The following RSRC1 variants were observed in gnomAD, a reference collection of about 807,000 sequenced individuals.
RSRC1 encodes the protein arginine and serine rich coiled-coil 1.
A neutral mutation model predicts 49.1 loss-of-function variants in RSRC1; 39 were observed. That is an observed-to-expected ratio of 0.79 (90% confidence interval 0.61 to 1.04). The LOEUF is 1.04. Among genes scored for constraint, RSRC1 ranks in the 50% least tolerant of loss-of-function variants. The probability of loss-of-function intolerance (pLI) is 0.00; values close to 1 mark genes in which losing one functional copy is unlikely to be tolerated. For missense variants in RSRC1, 388 were observed against 402.4 expected, an observed-to-expected ratio of 0.96 and a Z score of 0.31; for synonymous variants, 143 against 130.8, an observed-to-expected ratio of 1.09 and a Z score of -0.63.
At chr3:158,136,942 G>A (rs1479951573) in intron 3 of RSRC1, 1 of 152,100 alleles carries the variant, frequency 6.6e-6, no homozygotes, top group East Asian at 1.9e-4. Flanking sequence ...AATCTGCTCT[G>A]TTCTTGTAAG....
chr3:158,406,341 C>T (rs1355334296), intron 6 of RSRC1, among the ~76,000 whole-genome samples: 1 of 151,988 alleles, frequency 6.6e-6, no homozygotes, highest in African/African-American at 2.4e-5. Flanking sequence ...CAGTTAGCCA[C>T]ATTTAGTAGA....
intron 1 of RSRC1, among the ~76,000 whole-genome samples, chr3:158,118,651 C>CT (rs1211133333): frequency 6.6e-6 from 1 of 151,808 alleles, no homozygotes; most frequent in African/African-American, 2.4e-5. Context: ...TGCTTTTTTT[C>CT]TTTCTGTTTT....
chr3:158,302,538 G>T (rs571569811), intron 5 of RSRC1: 6 of 141,366 alleles, frequency 4.2e-5, no homozygotes, highest in African/African-American at 1.6e-4. Flanking sequence ...GAGGTGGGTG[G>T]TTATTAGATG....
chr3:158,506,552 G>A (rs1463754459), intron 7 of RSRC1, among the ~76,000 whole-genome samples: 2 of 151,804 alleles, frequency 1.3e-5, no homozygotes, highest in African/African-American at 2.4e-5. Context: ...ACATATAAAC[G>A]GCCAACAGTA....
chr3:158,403,985 A>G (rs1734023147), intron 6 of RSRC1, among the ~76,000 whole-genome samples: 2 of 151,920 alleles, frequency 1.3e-5, no homozygotes, highest in African/African-American at 2.4e-5. Context: ...TAAATAATTT[A>G]TATTTCTTTA....
intron 9 of RSRC1, among the ~76,000 whole-genome samples, chr3:158,543,882 G>C (rs535427425): frequency 6.6e-6 from 1 of 151,928 alleles, no homozygotes; most frequent in East Asian, 1.9e-4. Context: ...ATACTTTGCT[G>C]TCTTCCATGA....
intron 6 of RSRC1, among the ~76,000 whole-genome samples, chr3:158,400,396 T>G (rs1733837905): frequency 6.6e-6 from 1 of 152,002 alleles, no homozygotes; most frequent in African/African-American, 2.4e-5. Flanking sequence ...TTTATTATTC[T>G]GGAGTGTTCA....
intron 1 of RSRC1, among the ~76,000 whole-genome samples, chr3:158,116,464 C>G (rs1268701500): frequency 6.6e-6 from 1 of 151,898 alleles, no homozygotes; most frequent in African/African-American, 2.4e-5. Context: ...TGTGTATGTA[C>G]TCGAGTGGAA....
intron 4 of RSRC1, among the ~76,000 whole-genome samples, chr3:158,251,924 C>G (rs956476763): frequency 1.3e-5 from 2 of 152,106 alleles, no homozygotes; most frequent in Non-Finnish European, 2.9e-5. Context: ...TCAGTTTGTC[C>G]CCATTCAGTA....
chr3:158,235,515 A>C (rs1280551017), intron 4 of RSRC1, among the ~76,000 whole-genome samples: 1 of 152,196 alleles, frequency 6.6e-6, no homozygotes, highest in African/African-American at 2.4e-5. Context: ...TTTATTTCAG[A>C]TATGTTAGGA....
chr3:158,169,756 C>T (rs141343873), intron 3 of RSRC1, among the ~76,000 whole-genome samples: 1 of 152,172 alleles, frequency 6.6e-6, no homozygotes, highest in African/African-American at 2.4e-5. Context: ...TTAAGATCCT[C>T]AGTTTCTATA....
In RSRC1 at chr3:158,233,863, A is replaced by G. The variant is rs57087050; in HGVS notation, c.494+30618A>G. On this transcript the variant is annotated intron_variant, in intron 4 of 9. Coordinates refer to ENST00000611884, the MANE Select transcript of RSRC1 (RefSeq NM_001271838.2). Reference sequence around the variant, plus strand: ...GCTATATTCATTCTCCATGTATGGAAACTGTGACTATCTTAACACTTTAGA... The same window carrying G: ...GCTATATTCATTCTCCATGTATGGAGACTGTGACTATCTTAACACTTTAGA... Among the ~76,000 whole-genome samples the G allele has an allele frequency of 2.2e-3, 340 of 152,276 alleles. 2 individuals carry two copies. Among genetic ancestry groups the G allele is most frequent in the African/African-American group, 7.7e-3 (322 of 41,564 alleles).
intron 4 of RSRC1, among the ~76,000 whole-genome samples, chr3:158,258,124 T>A (rs1724674476): frequency 6.6e-6 from 1 of 151,896 alleles, no homozygotes; most frequent in African/African-American, 2.4e-5. Flanking sequence ...GTTTACTTAC[T>A]ATTACCAGTG....
chr3:158,426,371 G>GA (rs551245354), intron 6 of RSRC1, among the ~76,000 whole-genome samples: 13 of 148,864 alleles, frequency 8.7e-5, no homozygotes, highest in East Asian at 2.0e-4. Flanking sequence ...AAATCAGTAA[G>GA]AAAAAAAAAA....
At chr3:158,518,497 T>TTC (rs1740730314) in intron 7 of RSRC1, among the ~76,000 whole-genome samples, 1 of 151,974 alleles carries the variant, frequency 6.6e-6, no homozygotes, top group African/African-American at 2.4e-5. Flanking sequence ...TAATTTGATT[T>TTC]TTAAAAATAT....
At chr3:158,193,558 C>A (rs549491638) in intron 3 of RSRC1, among the ~76,000 whole-genome samples, 1 of 152,024 alleles carries the variant, frequency 6.6e-6, no homozygotes, top group Non-Finnish European at 1.5e-5. Flanking sequence ...TGAAAATAAC[C>A]CGTATGTCTA....
chr3:158,497,915 C>T (rs1453881505), intron 7 of RSRC1, among the ~76,000 whole-genome samples: 14 of 152,038 alleles, frequency 9.2e-5, no homozygotes, highest in Non-Finnish European at 1.9e-4. Flanking sequence ...AGTATTCCAT[C>T]GTGTGTGTAT....
At chr3:158,270,809 A>C (rs1725475964) in intron 4 of RSRC1, among the ~76,000 whole-genome samples, 1 of 152,162 alleles carries the variant, frequency 6.6e-6, no homozygotes, top group Admixed American at 6.5e-5. Flanking sequence ...CTAAAATTTA[A>C]ATATTAGTGA....
At chr3:158,267,295 A>G (rs1411215147) in intron 4 of RSRC1, among the ~76,000 whole-genome samples, 1 of 152,156 alleles carries the variant, frequency 6.6e-6, no homozygotes, top group Non-Finnish European at 1.5e-5. Flanking sequence ...GGCTTTCAGA[A>G]GTTTGACTAT....
Sources: allele counts gnomAD v4.1 joint callset (sites outside exome capture counted in the v4.1 genomes callset), GRCh38; gene constraint gnomAD v4.1.1; transcripts MANE v1.5; gene names NCBI Gene and HGNC (gene_info 2026-07-23, HGNC 2026-07-21).